The following RAPGEF1 variants were observed in gnomAD, a reference collection of about 807,000 sequenced individuals.
The protein encoded by RAPGEF1 is CRK SH3-binding GNRP.
RAPGEF1 carries 33 observed loss-of-function variants against 143.3 expected under a neutral mutation model. That is an observed-to-expected ratio of 0.23 (90% CI 0.17 to 0.31). The LOEUF (loss-of-function observed/expected upper bound fraction) is 0.31, where lower values mean the gene tolerates loss of function less well. RAPGEF1 is among the 10% of genes least tolerant of loss of function. The probability of loss-of-function intolerance (pLI) is 1.00; values close to 1 mark genes in which losing one functional copy is unlikely to be tolerated. For missense variants in RAPGEF1, 1,199 were observed against 1,645.4 expected (o/e 0.73, Z 4.69); for synonymous variants, 629 against 676.5 (o/e 0.93, Z 1.09).
At chr9:131,697,559 C>T (rs1342018922) in intron 1 of RAPGEF1, among the ~76,000 whole-genome samples, 3 of 152,212 alleles carry the variant, frequency 2.0e-5, no homozygotes, top group African/African-American at 4.8e-5. Context: ...ACCCAGGACA[C>T]ACTGCAGCCA....
At chr9:131,728,247 A>T (rs572458935) in intron 1 of RAPGEF1, among the ~76,000 whole-genome samples, 6 of 152,318 alleles carry the variant, frequency 3.9e-5, no homozygotes, top group African/African-American at 1.4e-4. Context: ...GCAACTTGTA[A>T]GTTACTTTGT....
intron 12 of RAPGEF1, among the ~76,000 whole-genome samples, chr9:131,618,392 C>A (rs3890084): frequency 3.7e-4 from 56 of 152,294 alleles, no homozygotes; most frequent in Admixed American, 2.2e-3. Flanking sequence ...CTGCTACCCC[C>A]TGTCCTAAGC....
At chr9:131,597,010 G>A (rs1053297523) in intron 16 of RAPGEF1, among the ~76,000 whole-genome samples, 5 of 152,194 alleles carry the variant, frequency 3.3e-5, no homozygotes, top group South Asian at 4.1e-4. Flanking sequence ...TAAGAAGCAA[G>A]TCTTGCTTCC....
intron 1 of RAPGEF1, chr9:131,737,527 G>A (rs1190275370): frequency 1.2e-6 from 2 of 1,611,512 alleles, no homozygotes; most frequent in Non-Finnish European, 1.7e-6. Flanking sequence ...AGAAGGCGGT[G>A]CCCAGAAAAG....
At chr9:131,642,925 G>A (rs1199768762) in intron 4 of RAPGEF1, among the ~76,000 whole-genome samples, 1 of 152,190 alleles carries the variant, frequency 6.6e-6, no homozygotes, top group East Asian at 1.9e-4. Context: ...CCCACCCGCA[G>A]TGAATCCAGG....
chr9:131,616,997 T>C (rs1046805038), intron 12 of RAPGEF1, among the ~76,000 whole-genome samples: 2 of 152,224 alleles, frequency 1.3e-5, no homozygotes, highest in Non-Finnish European at 2.9e-5. Context: ...GGCTTTTTGC[T>C]AAGAATGCAG....
In RAPGEF1 at chr9:131,630,877, C is replaced by G. The variant is rs536704471; in HGVS notation, c.652-553G>C. Among the ~76,000 whole-genome samples, 67 of 150,206 alleles carry G rather than the reference C, an allele frequency of 4.5e-4. 1 individual carries two copies. In the South Asian group the frequency reaches 0.013, roughly 30 times the overall value. ...CTTTAGAACCATTAACTGAGAAAAA[C>G]AGAAAAGAAAAATAGCCTTTTTCAA... On this transcript the variant is annotated intron_variant, in intron 5 of 26. Transcript: ENST00000683357.
chr9:131,680,398 T>C (rs776086079), intron 1 of RAPGEF1, among the ~76,000 whole-genome samples: 6 of 152,198 alleles, frequency 3.9e-5, no homozygotes, highest in Non-Finnish European at 8.8e-5. Flanking sequence ...CCCCAAAATC[T>C]GGCCATAAAT....
chr9:131,664,427 T>C (rs1057453105), intron 1 of RAPGEF1, among the ~76,000 whole-genome samples: 4 of 152,142 alleles, frequency 2.6e-5, no homozygotes, highest in Admixed American at 2.0e-4. Context: ...TAAATATATA[T>C]AATTAAATAT....
intron 1 of RAPGEF1, among the ~76,000 whole-genome samples, chr9:131,721,194 G>A (rs1836239152): frequency 6.6e-6 from 1 of 152,126 alleles, no homozygotes; most frequent in Admixed American, 6.6e-5. Flanking sequence ...GCGAATTTGT[G>A]GAACGCGATA....
chr9:131,674,148 T>G (rs982298389), intron 1 of RAPGEF1, among the ~76,000 whole-genome samples: 53 of 152,208 alleles, frequency 3.5e-4, no homozygotes, highest in African/African-American at 1.2e-3. Context: ...TTGGGATATA[T>G]CTAGTTTCTT....
intron 1 of RAPGEF1, among the ~76,000 whole-genome samples, chr9:131,656,025 T>C (rs1972385361): frequency 6.6e-6 from 1 of 152,224 alleles, no homozygotes; most frequent in Admixed American, 6.5e-5. Context: ...AGATGGCTGA[T>C]GTGATGTAGA....
chr9:131,673,079 A>G (rs935919753), intron 1 of RAPGEF1, among the ~76,000 whole-genome samples: 1 of 152,164 alleles, frequency 6.6e-6, no homozygotes, highest in African/African-American at 2.4e-5. Flanking sequence ...TTGTGCTGGG[A>G]AAAAAAGTGC....
chr9:131,697,691 C>T (rs1479079830), intron 1 of RAPGEF1, among the ~76,000 whole-genome samples: 2 of 152,166 alleles, frequency 1.3e-5, no homozygotes, highest in East Asian at 3.8e-4. Flanking sequence ...GATTCTTGCA[C>T]CTGAGGGTAC....
intron 4 of RAPGEF1, among the ~76,000 whole-genome samples, chr9:131,640,481 G>A (rs138006000): frequency 4.6e-5 from 7 of 152,348 alleles, no homozygotes; most frequent in African/African-American, 1.7e-4. Flanking sequence ...ATATTCCTGT[G>A]TCAAGGGGCT....
chr9:131,663,163 G>A (rs1829862644), intron 1 of RAPGEF1, among the ~76,000 whole-genome samples: 1 of 151,124 alleles, frequency 6.6e-6, no homozygotes, highest in African/African-American at 2.4e-5. Flanking sequence ...TGAAGCGAAC[G>A]TCCACATACC....
rs780204978 is a variant in RAPGEF1 at position 131,638,783 on chromosome 9, A to T, written c.503T>A (p.Leu168His). 1.2e-6 allele frequency: 2 copies of T among 1,613,782 alleles called. No homozygotes were observed. Among genetic ancestry groups the T allele is most frequent in the African/African-American group, 2.7e-5 (2 of 74,992 alleles). The change falls in exon 5 of 27, where the codon CTC becomes CAC. Residue 168 changes from leucine (L) to histidine (H), a missense_variant. This residue lies in a region of RAPGEF1 where 613 missense variants were observed against 710.9 expected (regional missense o/e 0.86). Transcript: ENST00000683357. Reference protein sequence around the residue: ...NDPRIQHSSALSSCYSRVYQS... With the variant: ...NDPRIQHSSAHSSCYSRVYQS... ...GTACACTCGGCTATAGCAGGAAGAG[A>T]GGGCTGAGCTACAGGGAAGAGAAGA...
At chr9:131,586,374 C>CACA (rs1564453099) in intron 22 of RAPGEF1, among the ~76,000 whole-genome samples, 2 of 54,728 alleles carry the variant, frequency 3.7e-5, no homozygotes, top group African/African-American at 8.5e-5. Flanking sequence ...ACACACACAC[C>CACA]CACCTGCAGA....
At position 131,630,276 on chromosome 9, in the gene RAPGEF1, T is replaced by A. The variant is rs1241690756; in HGVS notation, c.700A>T (p.Ser234Cys). The A allele has an allele frequency of 6.2e-7, 1 of 1,613,266 alleles. No individual in the cohort carries two copies. Among genetic ancestry groups the A allele is most frequent in the Non-Finnish European group, 8.5e-7 (1 of 1,179,778 alleles). ...GCAGGGGAACTGGGCTTCACGGGGC[T>A]CGTCGGAGACGGACGTCCCTGCTTC... is the stretch of plus-strand genomic sequence containing the variant. ...IEKQGRPSPT[S>C]PVKPSSPASK... Residue 234 changes from serine to cysteine, a missense_variant, in exon 6 of 27, where the codon AGC becomes TGC. Ser to Cys is a moderately radical substitution (Grantham distance 112). This residue lies in a region of RAPGEF1 where 613 missense variants were observed against 710.9 expected (regional missense o/e 0.86). Transcript: ENST00000683357.
Sources: gnomAD v4.1 joint callset for allele counts (sites outside exome capture counted in the v4.1 genomes callset) on GRCh38, gnomAD v4.1.1 for gene constraint, gnomAD v4.1.1 regional missense constraint, MANE v1.5 for transcripts, NCBI Gene and HGNC (gene_info 2026-07-23, HGNC 2026-07-21) for gene names.